The following SPATA21 variants were observed in gnomAD, a reference collection of about 807,000 sequenced individuals.
SPATA21 encodes spermatogenesis-associated protein 21.
SPATA21 carries 47 observed loss-of-function variants against 54.8 expected under a neutral mutation model. That is an observed-to-expected ratio of 0.86 (90% CI 0.68 to 1.09). SPATA21 has a LOEUF of 1.09. Ranked by LOEUF, SPATA21 falls within the 50% of genes least tolerant of loss-of-function variation. The pLI, the probability that SPATA21 is intolerant of heterozygous loss-of-function variation, is 0.00. For synonymous variants in SPATA21, 245 were observed against 235.3 expected, an observed-to-expected ratio of 1.04 and a Z score of -0.38; for missense variants, 599 against 596.4, an observed-to-expected ratio of 1.00 and a Z score of -0.05.
intron 3 of SPATA21, chr1:16,422,336 T>C: frequency 1.5e-6 from 1 of 663,980 alleles, no homozygotes; most frequent in South Asian, 3.4e-5. Context: ...TTAATTCTCC[T>C]AGTGCCCCTA....
chr1:16,430,321 T>TG (rs146142485), intron 3 of SPATA21, among the ~76,000 whole-genome samples: 7,213 of 151,916 alleles, frequency 0.047, 252 homozygotes, highest in Non-Finnish European at 0.072. Context: ...TAGTTCCAGC[T>TG]ACTCAGGAGG....
intron 8 of SPATA21, 63 bp downstream of exon 8, chr1:16,404,904 C>T (rs1171185071): frequency 2.0e-6 from 3 of 1,487,306 alleles, no homozygotes; most frequent in Non-Finnish European, 2.7e-6. Flanking sequence ...TGCAACTGCA[C>T]AGGTTTCAAG....
At chr1:16,437,704 C>T (rs1161205666), upstream of SPATA21, among the ~76,000 whole-genome samples, 1 of 152,168 alleles carries the variant, frequency 6.6e-6, no homozygotes, top group South Asian at 2.1e-4. Context: ...TACTCAGCAC[C>T]TGGCATAGGG....
rs374834228 is a variant in SPATA21 at position 16,409,157 on chromosome 1, C to G, written c.634G>C (p.Glu212Gln). Residue 212 changes from glutamate (E) to glutamine (Q), a missense_variant, in exon 7 of 13, where the codon GAG (glutamate) becomes CAG (glutamine). By Grantham distance (29) the Glu-to-Gln change is conservative. Transcript: ENST00000335496. This position sits in a 1 kb window ranked among gnomAD's most constrained non-coding sequence, Gnocchi z 4.1. ...QSLQKLYQNR[E>Q]KSEEQLTLKQ... ...AGGGTCAGTTGCTCCTCGGACTTCT[C>G]CCGGTTTTGATAAAGCTTTTGGAGG... is the stretch of plus-strand genomic sequence containing the variant. 2.9e-5 allele frequency: 46 copies of G among 1,613,988 alleles called. No individual in the cohort carries two copies. The highest frequency in any genetic ancestry group is 3.6e-5 in the Non-Finnish European group (43 of 1,179,982).
At chr1:16,398,004 G>A (rs1208873606), downstream of SPATA21, 1 of 807,034 alleles carries the variant, frequency 1.2e-6, no homozygotes, top group African/African-American at 1.9e-5. Context: ...GGCATGGGAG[G>A]GAGGGCTGCA....
chr1:16,409,288 G>T lies in SPATA21; in HGVS notation c.588-85C>A. 1 of 1,475,026 alleles carries T rather than the reference G, an allele frequency of 6.8e-7. No individual in the cohort carries two copies. Among genetic ancestry groups the T allele is most frequent in the Non-Finnish European group, 9.4e-7 (1 of 1,066,570 alleles). 91.4% of individuals were successfully genotyped at this position (1,475,026 alleles called of 1,614,324 possible). A position where few individuals can be genotyped will look rare whatever the true frequency, so the allele number is the denominator to read the frequency against. ...AGGGGAGGGGTTGGGGGAGCCTGCA[G>T]GAGGAGGTCGTGGGGGAGGCTTTGG... On this transcript the variant is annotated intron_variant, in intron 6 of 12. Transcript: ENST00000335496. The surrounding 1 kb of genome is among the most constrained non-coding windows in gnomAD (Gnocchi z 4.1).
At chr1:16,422,217 G>C in intron 3 of SPATA21, 1 of 1,416,530 alleles carries the variant, frequency 7.1e-7, no homozygotes, top group Non-Finnish European at 9.2e-7. Context: ...AGGACACCAC[G>C]GCTGGGGAGC....
Position 16,400,829 on chromosome 1 carries a change from G to T in SPATA21, c.1065C>A (p.Gly355=). 2 of 1,614,222 alleles carry T rather than the reference G, an allele frequency of 1.2e-6. No homozygotes were observed. The highest frequency in any genetic ancestry group is 1.7e-6 in the Non-Finnish European group (2 of 1,180,034). The stretch of plus-strand genomic sequence containing the variant: ...AGGGAAGCTTCTGCAACCGCAGCCG[G>T]CCTACGGCCGCTTCCATCTCCTGGG... ...CKAQEMEAAV[G]RLRLQKLPYN... The change falls in exon 11 of 13, where the codon GGC becomes GGA. Residue 355 remains glycine (G), a synonymous_variant. Coordinates refer to ENST00000335496, the MANE Select transcript of SPATA21 (RefSeq NM_198546.1).
rs750991961 is a variant in SPATA21 at position 16,403,971 on chromosome 1, C to A, written c.880G>T (p.Val294Leu). The change falls in exon 9 of 13, where the codon GTG becomes TTG. Residue 294 changes from valine (V) to leucine (L), a missense_variant. Physicochemically the swap from Val to Leu is conservative, Grantham distance 32 (BLOSUM62 1). Transcript: ENST00000335496. ...CGCTGGGCTCATCCCTGCTCACCCACAGAGCAGAAGAAGCGCCTGGTGTCT... is the reference window on the plus strand; with the variant it reads ...CGCTGGGCTCATCCCTGCTCACCCAAAGAGCAGAAGAAGCGCCTGGTGTCT... ...MTDTRRFFCS[V>L]EQNALSDMAP... 2 of 1,589,572 alleles carry A rather than the reference C, an allele frequency of 1.3e-6. No homozygotes were observed. Among genetic ancestry groups the A allele is most frequent in the Non-Finnish European group, 8.6e-7 (1 of 1,167,880 alleles).
intron 3 of SPATA21, chr1:16,422,180 T>C (rs1371909434): frequency 2.0e-5 from 29 of 1,439,272 alleles, no homozygotes; most frequent in East Asian, 2.5e-5. Flanking sequence ...TGGGGGTGGA[T>C]TGATATCCGG....
intron 10 of SPATA21, among the ~76,000 whole-genome samples, chr1:16,403,396 TGG>T (rs1337768976): frequency 3.3e-5 from 5 of 152,150 alleles, no homozygotes; most frequent in African/African-American, 1.2e-4. Flanking sequence ...ATTTGGTCTC[TGG>T]GATCCCACTA....
Position 16,421,447 on chromosome 1 carries a change from C to A in SPATA21, c.144+62G>T. 4 of 1,499,374 alleles carry A rather than the reference C, an allele frequency of 2.7e-6. No homozygotes were observed. The highest frequency in any genetic ancestry group is 4.7e-5 in the East Asian group (2 of 42,184). 92.9% of individuals were successfully genotyped at this position (1,499,374 alleles called of 1,614,324 possible). On this transcript the variant is annotated intron_variant, in intron 5 of 12. Transcript: ENST00000335496. The surrounding 1 kb of genome is among the most constrained non-coding windows in gnomAD (Gnocchi z 5.2). ...CATCCGCTTCTGCCCTCTTCCTCCT[C>A]CTGATCCCCCCTGCCTTTCTCCTAC...
At chr1:16,407,667 T>C (rs1005987743) in intron 7 of SPATA21, among the ~76,000 whole-genome samples, 3 of 151,708 alleles carry the variant, frequency 2.0e-5, no homozygotes, top group Non-Finnish European at 4.4e-5. Context: ...ACCATGTTGG[T>C]CAGGCTGGTC....
intron 3 of SPATA21, among the ~76,000 whole-genome samples, chr1:16,426,961 C>T (rs1017035355): frequency 5.3e-5 from 8 of 152,042 alleles, no homozygotes; most frequent in Non-Finnish European, 1.2e-4. Context: ...TATATGTTTT[C>T]TTATGTTCAT....
At chr1:16,397,425 G>C (rs1043244707), downstream of SPATA21, 2 of 152,252 alleles carry the variant, frequency 1.3e-5, no homozygotes, top group Non-Finnish European at 2.9e-5. The surrounding 1 kb of genome is among the most constrained non-coding windows in gnomAD (Gnocchi z 5.4). Context: ...GTGTGGGAGG[G>C]TATTTTTTGG....
In SPATA21 at chr1:16,398,667, C is replaced by T. The variant is rs1553160844; in HGVS notation, c.*98G>A. Reference sequence around the variant, plus strand: ...CTGAAGTTATTGGTGTTTATTAGCTCACCAGGCCACAAAAGCAAATCCCAG... The same window carrying T: ...CTGAAGTTATTGGTGTTTATTAGCTTACCAGGCCACAAAAGCAAATCCCAG... On this transcript the variant is annotated 3_prime_UTR_variant, in exon 13 of 13. Transcript: ENST00000335496. 2 of 1,366,986 alleles carry T rather than the reference C, an allele frequency of 1.5e-6. No homozygotes were observed. The highest frequency in any genetic ancestry group is 2.1e-6 in the Non-Finnish European group (2 of 966,208). The allele number at this position is 1,366,986 out of a possible 1,614,324, so 84.7% of individuals were successfully genotyped here. A position where few individuals can be genotyped will look rare whatever the true frequency, so the allele number is the denominator to read the frequency against.
chr1:16,429,154 T>A (rs1283622544), intron 3 of SPATA21, among the ~76,000 whole-genome samples: 2 of 152,058 alleles, frequency 1.3e-5, no homozygotes, highest in African/African-American at 4.8e-5. Context: ...TTTATTTTTT[T>A]TTTTGGCTTT....
intron 1 of SPATA21, among the ~76,000 whole-genome samples, chr1:16,436,028 G>A (rs1026684578): frequency 6.6e-5 from 10 of 151,672 alleles, no homozygotes; most frequent in African/African-American, 1.7e-4. Flanking sequence ...TGAGGCGGGC[G>A]GATCATGAGG....
intron 5 of SPATA21, among the ~76,000 whole-genome samples, chr1:16,416,334 C>T (rs2086005478): frequency 6.6e-6 from 1 of 152,136 alleles, no homozygotes; most frequent in South Asian, 2.1e-4. Flanking sequence ...TTGGACCCAC[C>T]CAGTTCTCTC....
Sources: allele counts gnomAD v4.1 joint callset (sites outside exome capture counted in the v4.1 genomes callset), GRCh38; gene constraint gnomAD v4.1.1; non-coding constraint Gnocchi (gnomAD v3.1); transcripts MANE v1.5; gene names NCBI Gene and HGNC (gene_info 2026-07-23, HGNC 2026-07-21).